Variants in BEAN1 observed in about 807,000 individuals in gnomAD.
BEAN1 encodes protein BEAN1.
Under a neutral mutation model 17.7 loss-of-function variants are expected in BEAN1, and 17 were observed. The observed-to-expected ratio is 0.96, with a 90% confidence interval of 0.66 to 1.44. The LOEUF (loss-of-function observed/expected upper bound fraction) is 1.44. Ranked by LOEUF, BEAN1 falls within the 40% of genes most tolerant of loss-of-function variation. The probability of loss-of-function intolerance (pLI) is 0.00; values close to 1 mark genes in which losing one functional copy is unlikely to be tolerated. For synonymous variants in BEAN1, 142 were observed against 151.8 expected (o/e 0.94, Z 0.47); for missense variants, 359 against 374.1 (o/e 0.96, Z 0.33).
intron 3 of BEAN1, chr16:66,476,413 G>A (rs1963749190): frequency 6.6e-6 from 1 of 152,232 alleles, no homozygotes; most frequent in South Asian, 2.1e-4. Flanking sequence ...GTGACCCTGA[G>A]TATCAGCTTC....
intron 2 of BEAN1, among the ~76,000 whole-genome samples, chr16:66,461,263 C>T (rs566741431): frequency 3.3e-5 from 5 of 152,218 alleles, no homozygotes; most frequent in African/African-American, 7.2e-5. Context: ...AAAATAGGCC[C>T]TTGTTTTGGA....
intron 2 of BEAN1, 102 bp downstream of exon 2, chr16:66,437,803 G>T: frequency 7.1e-7 from 1 of 1,402,518 alleles, no homozygotes; most frequent in Non-Finnish European, 9.8e-7. Flanking sequence ...CCAAAGAACT[G>T]CAGGGGTCCA....
At chr16:66,492,235 T>C (rs1964185067) in intron 4 of BEAN1, among the ~76,000 whole-genome samples, 1 of 151,610 alleles carries the variant, frequency 6.6e-6, no homozygotes, top group Non-Finnish European at 1.5e-5. Flanking sequence ...AGAGACGGGG[T>C]TTCACCATGT....
At position 66,434,678 on chromosome 16, in the gene BEAN1, G is replaced by A. The variant is rs1351725454; in HGVS notation, c.-82-2917G>A. Among the ~76,000 whole-genome samples the A allele has an allele frequency of 6.6e-6, 1 of 152,138 alleles. No homozygotes were observed. Among genetic ancestry groups the A allele is most frequent in the African/African-American group, 2.4e-5 (1 of 41,426 alleles). The stretch of plus-strand genomic sequence containing the variant: ...GATGGCATTGCAGGAGGCAGGGAGT[G>A]GCAGCCCGGGTTACTGTTGGCATCG... On this transcript the variant is annotated intron_variant, in intron 1 of 4. Transcript: ENST00000536005. This position sits in a 1 kb window ranked among gnomAD's most constrained non-coding sequence, Gnocchi z 4.3.
At chr16:66,492,871 G>T in intron 4 of BEAN1, 1 of 620,952 alleles carries the variant, frequency 1.6e-6, no homozygotes, top group Admixed American at 2.6e-5. Flanking sequence ...GTGTCCCTCG[G>T]CACCAGCCCT....
downstream of BEAN1, chr16:66,484,731 T>C (rs1423894684): frequency 3.1e-5 from 14 of 453,888 alleles, no homozygotes; most frequent in Admixed American, 3.3e-4. This position sits in a 1 kb window ranked among gnomAD's most constrained non-coding sequence, Gnocchi z 4.2. Flanking sequence ...ACCAAGCAGG[T>C]CACCACTGCA....
At chr16:66,433,975 G>A (rs921194901) in intron 1 of BEAN1, among the ~76,000 whole-genome samples, 1 of 152,206 alleles carries the variant, frequency 6.6e-6, no homozygotes, top group African/African-American at 2.4e-5. Context: ...GCCCAGAGTG[G>A]AGATATTCCC....
intron 4 of BEAN1, among the ~76,000 whole-genome samples, chr16:66,492,396 C>G (rs909582606): frequency 2.0e-5 from 3 of 151,918 alleles, no homozygotes; most frequent in African/African-American, 7.3e-5. Flanking sequence ...AGGCTGGGAG[C>G]TGGGATACCT....
At chr16:66,436,037 GC>G (rs1962001901) in intron 1 of BEAN1, among the ~76,000 whole-genome samples, 1 of 152,144 alleles carries the variant, frequency 6.6e-6, no homozygotes, top group Admixed American at 6.5e-5. Context: ...TTTCCCATTG[GC>G]TTTAGGGCTG....
At chr16:66,490,108 C>T (rs147469707) in intron 4 of BEAN1, among the ~76,000 whole-genome samples, 41 of 148,702 alleles carry the variant, frequency 2.8e-4, no homozygotes, top group African/African-American at 8.2e-4. Context: ...CAGCCAGATG[C>T]GGTGGCTCAT....
chr16:66,428,463 C>T (rs1337851542), intron 1 of BEAN1: 3 of 152,370 alleles, frequency 2.0e-5, no homozygotes, highest in Non-Finnish European at 4.4e-5. Context: ...GAACGAGAGA[C>T]TTCACCACCC....
At chr16:66,462,954 G>A (rs969378522) in intron 2 of BEAN1, among the ~76,000 whole-genome samples, 1 of 152,174 alleles carries the variant, frequency 6.6e-6, no homozygotes, top group African/African-American at 2.4e-5. Context: ...GCTGTTCAAA[G>A]AAAACACATG....
chr16:66,469,682 G>T lies in BEAN1; in HGVS notation c.106G>T (p.Val36Leu). 6.5e-7 allele frequency: 1 copy of T among 1,536,000 alleles called. No homozygotes were observed. The highest frequency in any genetic ancestry group is 8.7e-7 in the Non-Finnish European group (1 of 1,146,842). Reference protein sequence around the residue: ...SEHSHLLVSPVLVASAVIGVV... With the variant: ...SEHSHLLVSPLLVASAVIGVV... Reference sequence around the variant, plus strand: ...GCACAGCCATCTGCTCGTGTCCCCCGTGCTGGTGGCGAGTGCCGTCATAGG... The same window carrying T: ...GCACAGCCATCTGCTCGTGTCCCCCTTGCTGGTGGCGAGTGCCGTCATAGG... The change falls in exon 3 of 5, where the codon GTG (valine) becomes TTG (leucine). Residue 36 changes from valine to leucine, a missense_variant. Val to Leu is a conservative substitution (Grantham distance 32, BLOSUM62 1). Transcript: ENST00000536005.
chr16:66,463,793 A>G (rs1180371004), intron 2 of BEAN1, among the ~76,000 whole-genome samples: 2 of 152,168 alleles, frequency 1.3e-5, no homozygotes, highest in Admixed American at 6.5e-5. Flanking sequence ...ATCCATTTTC[A>G]GTTAATTTTT....
intron 2 of BEAN1, among the ~76,000 whole-genome samples, chr16:66,445,718 CA>C (rs749334102): frequency 3.0e-4 from 45 of 151,962 alleles, no homozygotes; most frequent in Non-Finnish European, 2.1e-4. Context: ...GGAAAGGTAC[CA>C]GAGGCAGTAG....
chr16:66,458,014 G>T (rs753316225), intron 2 of BEAN1, among the ~76,000 whole-genome samples: 32 of 152,180 alleles, frequency 2.1e-4, no homozygotes, highest in Non-Finnish European at 3.2e-4. Context: ...TACTGATGAG[G>T]CCAGACTTGC....
chr16:66,436,827 G>A (rs1962042719), intron 1 of BEAN1, among the ~76,000 whole-genome samples: 1 of 152,126 alleles, frequency 6.6e-6, no homozygotes, highest in South Asian at 2.1e-4. Context: ...ACATCCACTT[G>A]TTCATCAGGT....
chr16:66,488,927 T>C (rs1388410132), intron 4 of BEAN1, among the ~76,000 whole-genome samples: 2 of 151,876 alleles, frequency 1.3e-5, no homozygotes, highest in African/African-American at 4.8e-5. Flanking sequence ...AGCCCAGCAC[T>C]TTGAGAGGCC....
At chr16:66,452,005 G>A (rs1269954421) in intron 2 of BEAN1, among the ~76,000 whole-genome samples, 3 of 152,182 alleles carry the variant, frequency 2.0e-5, no homozygotes, top group Non-Finnish European at 4.4e-5. Flanking sequence ...GCTCAGGCCT[G>A]CAAAGCAATC....
Sources: allele counts gnomAD v4.1 joint callset (sites outside exome capture counted in the v4.1 genomes callset), GRCh38; gene constraint gnomAD v4.1.1; non-coding constraint Gnocchi (gnomAD v3.1); transcripts MANE v1.5; gene names NCBI Gene and HGNC (gene_info 2026-07-23, HGNC 2026-07-21).